ZNF214: variants seen among roughly 807,000 people sequenced by gnomAD.
ZNF214 encodes BWSCR2-associated zinc finger protein 1.
A neutral mutation model predicts 53.9 loss-of-function variants in ZNF214; 43 were observed. The observed-to-expected ratio is 0.80, with a 90% confidence interval of 0.63 to 1.03. ZNF214 has a LOEUF of 1.03. ZNF214 is among the 50% of genes least tolerant of loss of function. The pLI, the probability that ZNF214 is intolerant of heterozygous loss-of-function variation, is 0.00. For synonymous variants in ZNF214, 217 were observed against 229.5 expected (o/e 0.95, Z 0.49); for missense variants, 724 against 719.1 (o/e 1.01, Z -0.08).
chr11:7,011,445 A>C (rs10839683), intron 1 of ZNF214, among the ~76,000 whole-genome samples: 87,839 of 151,760 alleles, frequency 0.58, 26,396 homozygotes, highest in East Asian at 0.74. Flanking sequence ...TGATGCAGAA[A>C]AATCAAGTGC....
intron 2 of ZNF214, 93 bp from the exon 3 acceptor site, chr11:7,001,648 T>C (rs1448607396): frequency 1.4e-6 from 2 of 1,395,578 alleles, no homozygotes; most frequent in African/African-American, 2.9e-5. Flanking sequence ...ATGATAGGAA[T>C]ATATGTGTGG....
At chr11:7,006,427 AATC>A (rs1424112911) in intron 1 of ZNF214, among the ~76,000 whole-genome samples, 2 of 152,082 alleles carry the variant, frequency 1.3e-5, no homozygotes, top group Admixed American at 6.6e-5. Context: ...GGTCAGTTAA[AATC>A]ATTCTCTATA....
chr11:7,004,513 T>C (rs931085364), intron 1 of ZNF214, among the ~76,000 whole-genome samples: 1 of 152,110 alleles, frequency 6.6e-6, no homozygotes, highest in Admixed American at 6.6e-5. Context: ...CCCTTGAATA[T>C]AGGCTGAACT....
At chr11:7,004,303 C>T (rs763346104) in intron 1 of ZNF214, among the ~76,000 whole-genome samples, 42 of 152,092 alleles carry the variant, frequency 2.8e-4, no homozygotes, top group Admixed American at 1.8e-3. Context: ...TCCATGTATA[C>T]ACAACACACA....
intron 1 of ZNF214, among the ~76,000 whole-genome samples, chr11:7,015,665 TTTTG>T (rs1209724996): frequency 6.6e-6 from 1 of 152,076 alleles, no homozygotes; most frequent in Non-Finnish European, 1.5e-5. Flanking sequence ...ATAAATATAA[TTTTG>T]TTCTAACTAA....
chr11:7,000,480 A>T lies in ZNF214; in HGVS notation c.1203T>A (p.Leu401=). Residue 401 remains leucine, a synonymous_variant, in exon 3 of 3, where the codon CTT becomes CTA. Transcript: ENST00000278314. Reference sequence around the variant, plus strand: ...CTGTGTGTACTAACTGATGAATTCGAAGATTTGAGCTCTGGCTGAAACCCT... The same window carrying T: ...CTGTGTGTACTAACTGATGAATTCGTAGATTTGAGCTCTGGCTGAAACCCT... ...CGKGFSQSSN[L]RIHQLVHTGE... is the part of the protein sequence containing the mutation. 1 of 1,613,230 alleles carries T rather than the reference A, an allele frequency of 6.2e-7. No homozygotes were observed. Among genetic ancestry groups the T allele is most frequent in the Non-Finnish European group, 8.5e-7 (1 of 1,179,524 alleles).
At chr11:7,002,264 A>G (rs746064209) in intron 2 of ZNF214, among the ~76,000 whole-genome samples, 2 of 152,002 alleles carry the variant, frequency 1.3e-5, no homozygotes, top group Non-Finnish European at 2.9e-5. Context: ...CAGGCCAGGC[A>G]GCTTAATCTT....
Position 7,000,285 on chromosome 11 carries a change from C to T in ZNF214, c.1398G>A (p.Gly466=), listed in dbSNP as rs1851298249. The change falls in exon 3 of 3, where the codon GGG becomes GGA. Residue 466 remains glycine (G), a synonymous_variant. Coordinates refer to ENST00000278314, the MANE Select transcript of ZNF214 (RefSeq NM_013249.4). The stretch of plus-strand genomic sequence containing the variant: ...ATTCAGGACAAGTATAGGGTTTCTC[C>T]CCTGTATGGACTCTCTGATGAATGC... ...DLRIHQRVHT[G]EKPYTCPECG... 6.2e-7 allele frequency: 1 copy of T among 1,612,242 alleles called. No individual in the cohort carries two copies. Among genetic ancestry groups the T allele is most frequent in the Non-Finnish European group, 8.5e-7 (1 of 1,179,318 alleles).
In ZNF214 at chr11:7,011,263, A is replaced by T. The variant is rs1429889135; in HGVS notation, c.-20-8408T>A. 3.3e-5 allele frequency among the ~76,000 whole-genome samples: 5 copies of T among 152,196 alleles called. No individual in the cohort carries two copies. In the East Asian group the frequency reaches 7.7e-4, roughly 23 times the overall value. On this transcript the variant is annotated intron_variant, in intron 1 of 2. Transcript: ENST00000278314. ...GCACATTTGTAAATTTTGTAAATATACAAAAATCCTAAATAAAATATTAGC... is the reference window on the plus strand; with the variant it reads ...GCACATTTGTAAATTTTGTAAATATTCAAAAATCCTAAATAAAATATTAGC...
At chr11:7,010,909 A>T (rs922199783) in intron 1 of ZNF214, among the ~76,000 whole-genome samples, 25 of 151,808 alleles carry the variant, frequency 1.6e-4, no homozygotes, top group African/African-American at 6.0e-4. Context: ...AGGCAAATAC[A>T]CCTAAATATG....
At chr11:7,013,665 C>T (rs1851669776) in intron 1 of ZNF214, among the ~76,000 whole-genome samples, 1 of 152,094 alleles carries the variant, frequency 6.6e-6, no homozygotes, top group Admixed American at 6.5e-5. Flanking sequence ...ACCTCCTTTT[C>T]TCTCTCACTG....
intron 1 of ZNF214, among the ~76,000 whole-genome samples, chr11:7,017,920 T>C (rs1301935854): frequency 6.6e-6 from 1 of 152,226 alleles, no homozygotes; most frequent in African/African-American, 2.4e-5. Context: ...GTGCTTAGTA[T>C]ACGCACAGTA....
At chr11:7,012,075 C>G (rs1358292900) in intron 1 of ZNF214, among the ~76,000 whole-genome samples, 1 of 152,032 alleles carries the variant, frequency 6.6e-6, no homozygotes, top group Non-Finnish European at 1.5e-5. Context: ...TTAAAATTGA[C>G]AAGGAAGGAA....
Position 7,003,090 on chromosome 11 carries a change from A to G in ZNF214, c.-20-235T>C, listed in dbSNP as rs192373986. On this transcript the variant is annotated intron_variant, in intron 1 of 2. Coordinates refer to ENST00000278314, the MANE Select transcript of ZNF214 (RefSeq NM_013249.4). ...CACTTGTCTACTAAGTTTTTTACCTATATTTCAGTTACTCCTCACAGAAAT... is the reference window on the plus strand; with the variant it reads ...CACTTGTCTACTAAGTTTTTTACCTGTATTTCAGTTACTCCTCACAGAAAT... Among the ~76,000 whole-genome samples, 126 of 152,096 alleles carry G rather than the reference A, an allele frequency of 8.3e-4. 1 individual carries two copies. The highest frequency in any genetic ancestry group is 2.9e-3 in the African/African-American group (119 of 41,536).
At position 7,000,105 on chromosome 11, in the gene ZNF214, A is replaced by G; in HGVS notation, c.1578T>C (p.Tyr526=). The change falls in exon 3 of 3, where the codon TAT becomes TAC. Residue 526 remains tyrosine, a synonymous_variant. Coordinates refer to ENST00000278314, the MANE Select transcript of ZNF214 (RefSeq NM_013249.4). The part of the protein sequence containing the change: ...HQRVHTGEKP[Y]KCHDCGKGFS... ...AACCCTTTCCACAATCATGACATTTATAGGGCTTTTCTCCTGTATGGACTC... is the reference window on the plus strand; with the variant it reads ...AACCCTTTCCACAATCATGACATTTGTAGGGCTTTTCTCCTGTATGGACTC... 1 of 1,613,390 alleles carries G rather than the reference A, an allele frequency of 6.2e-7. No individual in the cohort carries two copies. The highest frequency in any genetic ancestry group is 1.1e-5 in the South Asian group (1 of 91,060).
At position 6,998,527 on chromosome 11, in the gene ZNF214, CAATT is replaced by C. The variant is rs1253094480; in HGVS notation, c.*1331_*1334del. Among the ~76,000 whole-genome samples, 1 of 151,892 alleles carries C rather than the reference CAATT, an allele frequency of 6.6e-6. No homozygotes were observed. The highest frequency in any genetic ancestry group is 1.5e-5 in the Non-Finnish European group (1 of 67,906). On this transcript the variant is annotated 3_prime_UTR_variant, in exon 3 of 3. Coordinates refer to ENST00000278314, the MANE Select transcript of ZNF214 (RefSeq NM_013249.4). ...CAGATCAAGTTTATCTATTAACTAT[CAATT>C]ATTTTATATTCTTCAGTGTTACTTT...
rs189814117 is a variant in ZNF214, at chr11:7,005,645, T to C, written c.-20-2790A>G. On this transcript the variant is annotated intron_variant, in intron 1 of 2. Coordinates refer to ENST00000278314, the MANE Select transcript of ZNF214 (RefSeq NM_013249.4). ...GCCTATATACTTCCTATAGTACATTTTAGTTAGCTAAACTGAACAATGGCT... is the reference window on the plus strand; with the variant it reads ...GCCTATATACTTCCTATAGTACATTCTAGTTAGCTAAACTGAACAATGGCT... Among the ~76,000 whole-genome samples, 461 of 152,242 alleles carry C rather than the reference T, an allele frequency of 3.0e-3. 5 individuals carry two copies. The highest frequency in any genetic ancestry group is 0.011 in the African/African-American group (450 of 41,572).
intron 1 of ZNF214, among the ~76,000 whole-genome samples, chr11:7,014,807 A>C (rs1025806591): frequency 7.5e-5 from 11 of 145,730 alleles, no homozygotes; most frequent in African/African-American, 2.2e-4. Context: ...TCTCTAACAA[A>C]AAAAAAAAAA....
rs775290992 is a variant in ZNF214, at chr11:7,012,322, C to T, written c.-21+7751G>A. 2.1e-4 allele frequency among the ~76,000 whole-genome samples: 32 copies of T among 151,814 alleles called. 1 individual carries two copies. The highest frequency in any genetic ancestry group is 1.2e-4 in the Non-Finnish European group (8 of 67,952). ...AGATAGCATTATGAAAACTGATTAACTATATGAGATAAAATAAAACTGGAT... is the reference window on the plus strand; with the variant it reads ...AGATAGCATTATGAAAACTGATTAATTATATGAGATAAAATAAAACTGGAT... On this transcript the variant is annotated intron_variant, in intron 1 of 2. Transcript: ENST00000278314.
Sources: allele counts gnomAD v4.1 joint callset (sites outside exome capture counted in the v4.1 genomes callset), GRCh38; gene constraint gnomAD v4.1.1; transcripts MANE v1.5; gene names NCBI Gene and HGNC (gene_info 2026-07-23, HGNC 2026-07-21).